Variants in TRMT10A observed in about 807,000 individuals in gnomAD.
TRMT10A encodes tRNA methyltransferase 10 homolog A.
In TRMT10A, 37 loss-of-function variants were observed where a neutral mutation model predicts 40.4. The ratio of observed to expected loss-of-function variants is 0.92; its 90% CI spans 0.71 to 1.21. The LOEUF is 1.21. Ranked by LOEUF, TRMT10A falls within the 50% of genes most tolerant of loss-of-function variation. The pLI is 0.00. For synonymous variants in TRMT10A, 103 were observed against 134.1 expected (o/e 0.77, Z 1.60); for missense variants, 388 against 404.3 (o/e 0.96, Z 0.35).
chr4:99,562,391 T>C (rs1298289891), intron 1 of TRMT10A, among the ~76,000 whole-genome samples: 1 of 151,458 alleles, frequency 6.6e-6, no homozygotes, highest in Non-Finnish European at 1.5e-5. Context: ...CATTAAGTTA[T>C]GGATTGGGAT....
intron 1 of TRMT10A, among the ~76,000 whole-genome samples, chr4:99,560,235 AG>A (rs2110193951): frequency 6.6e-6 from 1 of 152,300 alleles, no homozygotes; most frequent in South Asian, 2.1e-4. Context: ...AGAGGTCATA[AG>A]GGAATAAGAA....
chr4:99,549,219 T>C lies in TRMT10A; in HGVS notation c.889A>G (p.Met297Val). 6.2e-7 allele frequency: 1 copy of C among 1,614,128 alleles called. No homozygotes were observed. Among genetic ancestry groups the C allele is most frequent in the Non-Finnish European group, 8.5e-7 (1 of 1,180,010 alleles). Residue 297 changes from methionine (M) to valine (V), a missense_variant, in exon 8 of 8, where the codon ATG (methionine) becomes GTG (valine). By Grantham distance (21) the Met-to-Val change is conservative (BLOSUM62 1). Coordinates refer to ENST00000394876, the MANE Select transcript of TRMT10A (RefSeq NM_001134665.3). ...TCACTGTCCGATCCACCTTCCTCCA[T>C]CCTGACAGACTGATTGTCATGAGAA... ...SASHDNQSVR[M>V]EEGGSDSDSS...
intron 2 of TRMT10A, 101 bp from the exon 3 acceptor site, chr4:99,558,312 C>T: frequency 1.9e-6 from 2 of 1,077,410 alleles, no homozygotes; most frequent in Non-Finnish European, 2.6e-6. Flanking sequence ...CAGGTTAAAT[C>T]ATATGAAATT....
At chr4:99,557,246 C>A (rs985078107) in intron 4 of TRMT10A, 99 bp downstream of exon 4, 1 of 1,190,992 alleles carries the variant, frequency 8.4e-7, no homozygotes, top group Admixed American at 2.8e-5. Context: ...AACAAGATTA[C>A]CTGTAAGACT....
intron 1 of TRMT10A, chr4:99,563,298 A>C (rs1181551244): frequency 3.3e-5 from 5 of 152,658 alleles, no homozygotes; most frequent in African/African-American, 1.2e-4. Flanking sequence ...AAAAATTCCC[A>C]AATTTAAAGT....
intron 5 of TRMT10A, 79 bp from the exon 6 acceptor site, chr4:99,554,013 C>A: frequency 7.1e-7 from 1 of 1,407,212 alleles, no homozygotes; most frequent in Non-Finnish European, 9.7e-7. Context: ...TCTCTTTTCC[C>A]AAAACAAATC....
At chr4:99,551,162 T>G (rs1372389825) in intron 6 of TRMT10A, among the ~76,000 whole-genome samples, 172 bp from the exon 7 acceptor site, 1 of 152,196 alleles carries the variant, frequency 6.6e-6, no homozygotes, top group Non-Finnish European at 1.5e-5. Context: ...AACATTCTCT[T>G]GACAATAAGT....
At chr4:99,552,079 TAAG>T (rs1420177841) in intron 6 of TRMT10A, among the ~76,000 whole-genome samples, 1 of 152,100 alleles carries the variant, frequency 6.6e-6, no homozygotes, top group Non-Finnish European at 1.5e-5. Flanking sequence ...TTTAAAAAAT[TAAG>T]TTTATAAAGT....
intron 1 of TRMT10A, among the ~76,000 whole-genome samples, chr4:99,560,776 C>A (rs1174740578): frequency 6.6e-6 from 1 of 152,032 alleles, no homozygotes; most frequent in Non-Finnish European, 1.5e-5. Flanking sequence ...GTATCCAAAA[C>A]GACACCGAGT....
intron 6 of TRMT10A, among the ~76,000 whole-genome samples, chr4:99,551,982 A>G (rs1469897488): frequency 6.6e-6 from 1 of 152,078 alleles, no homozygotes; most frequent in African/African-American, 2.4e-5. Context: ...AGCCTATGGA[A>G]TAAGGATATA....
At chr4:99,559,903 CAAAGA>C (rs1454532523) in intron 1 of TRMT10A, among the ~76,000 whole-genome samples, 2 of 152,018 alleles carry the variant, frequency 1.3e-5, no homozygotes, top group African/African-American at 4.8e-5. Context: ...TAAACAAAAT[CAAAGA>C]AAACAATATA....
In TRMT10A at chr4:99,549,377, G is replaced by A. The variant is rs576862011; in HGVS notation, c.752-21C>T. On this transcript the variant is annotated intron_variant, in intron 7 of 7. Coordinates refer to ENST00000394876, the MANE Select transcript of TRMT10A (RefSeq NM_001134665.3). ...AAACACTGCAATAAAGACATATTCC[G>A]TACATTTCTTAGCCAAGTTCATCAC... 94 of 1,608,770 alleles carry A rather than the reference G, an allele frequency of 5.8e-5. No homozygotes were observed. The East Asian group carries it at 1.1e-3, about 19-fold the overall frequency.
At chr4:99,556,306 G>T in intron 4 of TRMT10A, 86 bp from the exon 5 acceptor site, 1 of 1,176,518 alleles carries the variant, frequency 8.5e-7, no homozygotes, top group Non-Finnish European at 1.2e-6. Context: ...CTTATCTGAC[G>T]ATCAATGAAA....
chr4:99,557,813 GTT>G, intron 3 of TRMT10A: 1 of 459,910 alleles, frequency 2.2e-6, no homozygotes, highest in East Asian at 3.9e-5. Flanking sequence ...CAAAGTGTGT[GTT>G]TGTCTCTCTT....
rs74450658 is a variant in TRMT10A at position 99,548,936 on chromosome 4, T to C, written c.*152A>G. 1 of 481,736 alleles carries C rather than the reference T, an allele frequency of 2.1e-6. No individual in the cohort carries two copies. The highest frequency in any genetic ancestry group is 3.1e-6 in the Non-Finnish European group (1 of 326,266). The allele number at this position is 481,736 out of a possible 1,614,324, so 29.8% of individuals were successfully genotyped here. On this transcript the variant is annotated 3_prime_UTR_variant, in exon 8 of 8. Transcript: ENST00000394876. ...TATTTCCTTACAAAGTTTAAAGGGC[T>C]TTTTTTTTTATTATTATTTAGGTCC... is the stretch of plus-strand genomic sequence containing the variant.
chr4:99,563,826 C>T (rs1407546680), intron 1 of TRMT10A, 87 bp downstream of exon 1: 1 of 642,554 alleles, frequency 1.6e-6, no homozygotes, highest in Non-Finnish European at 2.9e-6. Flanking sequence ...GCCCTTGTTG[C>T]TAGTAGGGGG....
rs1278027773 is a variant in TRMT10A at position 99,549,064 on chromosome 4, A to C, written c.*24T>G. On this transcript the variant is annotated 3_prime_UTR_variant, in exon 8 of 8. Coordinates refer to ENST00000394876, the MANE Select transcript of TRMT10A (RefSeq NM_001134665.3). ...CCTCACTTTCTCCTAATTTTTCCTTAAACTAAAAGGAAACCAGGTAACATT... is the reference window on the plus strand; with the variant it reads ...CCTCACTTTCTCCTAATTTTTCCTTCAACTAAAAGGAAACCAGGTAACATT... 2.5e-6 allele frequency: 4 copies of C among 1,605,774 alleles called. No homozygotes were observed. The highest frequency in any genetic ancestry group is 3.4e-6 in the Non-Finnish European group (4 of 1,174,084).
chr4:99,548,002 C>G lies in TRMT10A; in HGVS notation c.*1086G>C, dbSNP rs1723801750. 1 of 152,080 alleles carries G rather than the reference C, an allele frequency of 6.6e-6. No homozygotes were observed. Among genetic ancestry groups the G allele is most frequent in the Non-Finnish European group, 1.5e-5 (1 of 67,980 alleles). 9.4% of individuals were successfully genotyped at this position (152,080 alleles called of 1,614,324 possible). A position where few individuals can be genotyped will look rare whatever the true frequency, so the allele number is the denominator to read the frequency against. On this transcript the variant is annotated 3_prime_UTR_variant, in exon 8 of 8. Transcript: ENST00000394876. ...CACACTATTCTTTCTTGCCAATGTT[C>G]CCATACAAACGTTAAGGATTTTTGT...
rs181925138 is a variant in TRMT10A at position 99,548,929 on chromosome 4, A to G, written c.*159T>C. Reference sequence around the variant, plus strand: ...CAAAAAATATTTCCTTACAAAGTTTAAAGGGCTTTTTTTTTTATTATTATT... The same window carrying G: ...CAAAAAATATTTCCTTACAAAGTTTGAAGGGCTTTTTTTTTTATTATTATT... On this transcript the variant is annotated 3_prime_UTR_variant, in exon 8 of 8. Transcript: ENST00000394876. The G allele has an allele frequency of 5.0e-3, 3,392 of 672,466 alleles. 13 individuals are homozygous for G. The highest frequency in any genetic ancestry group is 8.1e-3 in the Admixed American group (220 of 27,220). The allele number at this position is 672,466 out of a possible 1,614,324, so 41.7% of individuals were successfully genotyped here.
Sources: gnomAD v4.1 joint callset for allele counts (sites outside exome capture counted in the v4.1 genomes callset) on GRCh38, gnomAD v4.1.1 for gene constraint, MANE v1.5 for transcripts, NCBI Gene and HGNC (gene_info 2026-07-23, HGNC 2026-07-21) for gene names.